The following ASMTL variants were observed in gnomAD, a reference collection of about 807,000 sequenced individuals.
ASMTL encodes the protein acetylserotonin O-methyltransferase like.
Under a neutral mutation model 60.3 loss-of-function variants are expected in ASMTL, and 57 were observed. The ratio of observed to expected loss-of-function variants is 0.95; its 90% CI spans 0.76 to 1.18. The LOEUF (loss-of-function observed/expected upper bound fraction) is 1.18. ASMTL is among the 50% of genes most tolerant of loss of function. The pLI, the probability that ASMTL is intolerant of heterozygous loss-of-function variation, is 0.00. For missense variants in ASMTL, 981 were observed against 852.6 expected (o/e 1.15, Z -1.88); for synonymous variants, 419 against 373.0 (o/e 1.12, Z -1.42).
chrX:1,405,540 TAGAC>T (rs201132446), intron 12 of ASMTL, among the ~76,000 whole-genome samples: 14,098 of 148,592 alleles, frequency 0.095, 897 homozygotes, highest in Middle Eastern at 0.16. Flanking sequence ...GGTAGGTAGG[TAGAC>T]GGATGGATGG....
chrX:1,447,378 A>T (rs1428584381), intron 1 of ASMTL, among the ~76,000 whole-genome samples: 1 of 152,018 alleles, frequency 6.6e-6, no homozygotes, highest in Non-Finnish European at 1.5e-5. Flanking sequence ...ACACATGGCC[A>T]TCTTGGAGAA....
Position 1,421,736 on chromosome X carries a change from T to C in ASMTL, c.1167A>G (p.Thr389=). 1.9e-6 allele frequency: 3 copies of C among 1,613,890 alleles called. No homozygotes were observed. The highest frequency in any genetic ancestry group is 2.5e-6 in the Non-Finnish European group (3 of 1,179,844). The part of the protein sequence containing the change: ...HNNDLTWNLF[T]YLEFAIREGT... ...CCTCTCGGATGGCAAACTCCAGGTA[T>C]GTAAAGAGGTTCCATGTGAGGTCAT... is the stretch of plus-strand genomic sequence containing the variant. Residue 389 remains threonine, a synonymous_variant, in exon 9 of 13, where the codon ACA becomes ACG. Transcript: ENST00000381317.
chrX:1,414,691 G>A (rs1250472779), intron 11 of ASMTL, among the ~76,000 whole-genome samples: 3 of 152,156 alleles, frequency 2.0e-5, no homozygotes, highest in African/African-American at 4.8e-5. Flanking sequence ...CTGGGTGACA[G>A]AGCGAGACAC....
chrX:1,424,550 A>G (rs867934697), intron 8 of ASMTL, among the ~76,000 whole-genome samples: 1 of 83,570 alleles, frequency 1.2e-5, no homozygotes. Flanking sequence ...ACATCCATCC[A>G]TCCATCCATC....
intron 6 of ASMTL, chrX:1,431,857 T>G: frequency 5.0e-6 from 1 of 199,526 alleles, no homozygotes; most frequent in South Asian, 1.1e-4. Flanking sequence ...CTTCCCGTGC[T>G]CACCAATCTG....
chrX:1,417,867 A>T lies in ASMTL; in HGVS notation c.1522+106T>A. ...ATTTGCACACACATACCCACCATGG[A>T]AACGCCCAGGCAGAAACACAGGTGC... On this transcript the variant is annotated intron_variant, in intron 11 of 12. Transcript: ENST00000381317. The T allele has an allele frequency of 2.8e-6, 4 of 1,437,950 alleles. No homozygotes were observed. In the South Asian group the frequency reaches 5.6e-5, roughly 20 times the overall value. 89.1% of individuals were successfully genotyped at this position (1,437,950 alleles called of 1,614,324 possible). A position where few individuals can be genotyped will look rare whatever the true frequency, so the allele number is the denominator to read the frequency against.
rs577660553 is a variant in ASMTL, at chrX:1,403,170, T to G, written c.*99A>C. Reference sequence around the variant, plus strand: ...TTTGCTTTCTTTATTCAGTCACGACTACACGCTCCTATGTGACTGTCCTAT... The same window carrying G: ...TTTGCTTTCTTTATTCAGTCACGACGACACGCTCCTATGTGACTGTCCTAT... On this transcript the variant is annotated 3_prime_UTR_variant, in exon 13 of 13. Coordinates refer to ENST00000381317, the MANE Select transcript of ASMTL (RefSeq NM_004192.4). 1.9e-4 allele frequency: 181 copies of G among 970,004 alleles called. 3 individuals carry two copies. In the Middle Eastern group the frequency reaches 2.1e-3, roughly 11 times the overall value. 60.1% of individuals were successfully genotyped at this position (970,004 alleles called of 1,614,324 possible).
At position 1,442,481 on chromosome X, in the gene ASMTL, G is replaced by A. The variant is rs117842229; in HGVS notation, c.94-164C>T. The A allele has an allele frequency of 6.2e-3, 1,874 of 303,350 alleles. 30 individuals are homozygous for A. The highest frequency in any genetic ancestry group is 0.04 in the African/African-American group (1,782 of 44,254). The allele number at this position is 303,350 out of a possible 1,614,324, so 18.8% of individuals were successfully genotyped here. On this transcript the variant is annotated intron_variant, in intron 1 of 12. Coordinates refer to ENST00000381317, the MANE Select transcript of ASMTL (RefSeq NM_004192.4). ...AGCTTTCCCTAAGTGTGGCTGGGGA[G>A]CCGGGGACTGACCAGGGCTTTCCCT... is the stretch of plus-strand genomic sequence containing the variant.
rs748793315 is a variant in ASMTL, at chrX:1,410,298, C to T, written c.1645+2434G>A. Among the ~76,000 whole-genome samples the T allele has an allele frequency of 8.4e-3, 1,169 of 139,766 alleles. 3 individuals carry two copies. Among genetic ancestry groups the T allele is most frequent in the Non-Finnish European group, 0.012 (769 of 63,736 alleles). The allele number at this position is 139,766 out of a possible 152,430, so 91.7% of individuals were successfully genotyped here. ...CCAAATGCTGGTACTCCCAAATACTCGGGAGGCTGAGGCAGGAGGATCGCT... is the reference window on the plus strand; with the variant it reads ...CCAAATGCTGGTACTCCCAAATACTTGGGAGGCTGAGGCAGGAGGATCGCT... On this transcript the variant is annotated intron_variant, in intron 12 of 12. Coordinates refer to ENST00000381317, the MANE Select transcript of ASMTL (RefSeq NM_004192.4).
chrX:1,421,506 A>G (rs1292817968), intron 9 of ASMTL, 152 bp downstream of exon 9: 1 of 756,984 alleles, frequency 1.3e-6, no homozygotes, highest in Non-Finnish European at 2.2e-6. Flanking sequence ...CACAAGAGCC[A>G]CGGCACTAAG....
chrX:1,433,040 G>C (rs1368568940), intron 5 of ASMTL, among the ~76,000 whole-genome samples: 1 of 152,188 alleles, frequency 6.6e-6, no homozygotes, highest in Admixed American at 6.5e-5. Context: ...GGAGGTTGCA[G>C]TGAGCCAAGA....
rs758853879 is a variant in ASMTL, at chrX:1,432,199, A to G, written c.509+70T>C. 7 of 1,279,674 alleles carry G rather than the reference A, an allele frequency of 5.5e-6. No homozygotes were observed. The East Asian group carries it at 1.5e-4, about 27-fold the overall frequency. 79.3% of individuals were successfully genotyped at this position (1,279,674 alleles called of 1,614,324 possible). A position where few individuals can be genotyped will look rare whatever the true frequency, so the allele number is the denominator to read the frequency against. On this transcript the variant is annotated intron_variant, in intron 6 of 12. Coordinates refer to ENST00000381317, the MANE Select transcript of ASMTL (RefSeq NM_004192.4). ...CCTTCTTTCCCAAAGGCTGGGTGGG[A>G]CACCCCACGTGTGAGGGTGGCCAGG...
intron 7 of ASMTL, 44 bp downstream of exon 7, chrX:1,427,690 A>G: frequency 6.4e-7 from 1 of 1,554,976 alleles, no homozygotes; most frequent in Non-Finnish European, 8.7e-7. Flanking sequence ...CCGAGTGTGT[A>G]GGCTCATTTG....
chrX:1,406,342 T>C (rs1188188330), intron 12 of ASMTL, among the ~76,000 whole-genome samples: 2 of 151,254 alleles, frequency 1.3e-5, no homozygotes, highest in Non-Finnish European at 2.9e-5. Context: ...GATGGATTCA[T>C]GGATGAGATG....
At chrX:1,445,642 A>G (rs1167597278) in intron 1 of ASMTL, among the ~76,000 whole-genome samples, 1 of 152,104 alleles carries the variant, frequency 6.6e-6, no homozygotes, top group Non-Finnish European at 1.5e-5. Flanking sequence ...CTGAGGCAAG[A>G]GACCGAGGAC....
intron 5 of ASMTL, among the ~76,000 whole-genome samples, chrX:1,434,100 C>T (rs1352003619): frequency 1.3e-5 from 2 of 152,234 alleles, no homozygotes; most frequent in South Asian, 2.1e-4. Flanking sequence ...CTGAATTCTA[C>T]GATGCCTCCT....
At chrX:1,414,242 G>A (rs1215017291) in intron 11 of ASMTL, among the ~76,000 whole-genome samples, 2 of 152,182 alleles carry the variant, frequency 1.3e-5, no homozygotes, top group East Asian at 3.9e-4. Flanking sequence ...TCCAGAGGGA[G>A]CACAGCCCTG....
At chrX:1,437,550 C>G (rs1281369896) in intron 3 of ASMTL, among the ~76,000 whole-genome samples, 1 of 151,816 alleles carries the variant, frequency 6.6e-6, no homozygotes, top group African/African-American at 2.4e-5. Context: ...TATGAGATGT[C>G]TTAGTCCATT....
intron 8 of ASMTL, among the ~76,000 whole-genome samples, chrX:1,423,836 T>C (rs1268702311): frequency 3.3e-5 from 4 of 121,794 alleles, no homozygotes; most frequent in Non-Finnish European, 3.4e-5. Context: ...ATCCATCCAC[T>C]CATCCATCCA....
Sources: allele counts gnomAD v4.1 joint callset (sites outside exome capture counted in the v4.1 genomes callset), GRCh38; gene constraint gnomAD v4.1.1; transcripts MANE v1.5; gene names NCBI Gene and HGNC (gene_info 2026-07-23, HGNC 2026-07-21).